RCC1: variants seen among roughly 807,000 people sequenced by gnomAD.
RCC1 encodes the protein regulator of chromosome condensation.
RCC1 carries 11 observed loss-of-function variants against 44.4 expected under a neutral mutation model. The observed-to-expected ratio is 0.25, with a 90% CI of 0.16 to 0.41. RCC1 has a LOEUF of 0.41. Ranked by LOEUF, RCC1 falls within the 10% of genes least tolerant of loss-of-function variation. The pLI is 1.00. For missense variants in RCC1, 386 were observed against 547.1 expected, an observed-to-expected ratio of 0.71 and a Z score of 2.94; for synonymous variants, 213 against 216.5, an observed-to-expected ratio of 0.98 and a Z score of 0.14.
intron 3 of RCC1, among the ~76,000 whole-genome samples, chr1:28,514,956 A>G (rs955840854): frequency 1.3e-5 from 2 of 152,298 alleles, no homozygotes; most frequent in South Asian, 4.1e-4. Flanking sequence ...TATATGTTAT[A>G]AAACCCACAG....
At chr1:28,517,358 C>CA (rs1662958860) in intron 4 of RCC1, among the ~76,000 whole-genome samples, 1 of 152,088 alleles carries the variant, frequency 6.6e-6, no homozygotes, top group Non-Finnish European at 1.5e-5. Flanking sequence ...AACCCAACCC[C>CA]AACTCACACC....
At chr1:28,526,986 A>T in intron 4 of RCC1, 6 of 855,526 alleles carry the variant, frequency 7.0e-6, no homozygotes, top group Non-Finnish European at 1.2e-5. Flanking sequence ...AGGTCTTTGA[A>T]CTCTCCATTG....
intron 3 of RCC1, among the ~76,000 whole-genome samples, chr1:28,513,438 G>A (rs1426875197): frequency 2.6e-5 from 4 of 151,932 alleles, no homozygotes; most frequent in East Asian, 1.9e-4. Flanking sequence ...CAGGCAGTCC[G>A]CCTGCCCTGA....
intron 5 of RCC1, chr1:28,530,411 G>A: frequency 2.2e-6 from 2 of 892,218 alleles, no homozygotes; most frequent in Non-Finnish European, 3.4e-6. Context: ...GGAGGTGGCT[G>A]TGGTTTCCTC....
rs555167699 is a variant in RCC1 at position 28,527,837 on chromosome 1, C to T, written c.-9-2021C>T. Among the ~76,000 whole-genome samples the T allele has an allele frequency of 2.0e-5, 3 of 151,262 alleles. No homozygotes were observed. The South Asian group carries it at 6.3e-4, about 32-fold the overall frequency. ...CCAGCGGGACCAACATGGAGAAACCCCATCTCTACTAAAAATACAAAATAA... is the reference window on the plus strand; with the variant it reads ...CCAGCGGGACCAACATGGAGAAACCTCATCTCTACTAAAAATACAAAATAA... On this transcript the variant is annotated intron_variant, in intron 4 of 12. Coordinates refer to ENST00000683442, the MANE Select transcript of RCC1 (RefSeq NM_001381865.2).
In RCC1 at chr1:28,535,972, A is replaced by G; in HGVS notation, c.763A>G (p.Ile255Val). Residue 255 changes from isoleucine to valine, a missense_variant, in exon 10 of 13, where the codon ATC (isoleucine) becomes GTC (valine). Coordinates refer to ENST00000683442, the MANE Select transcript of RCC1 (RefSeq NM_001381865.2). ...TTGTGGTGCCTATTTCACCTTTGCC[A>G]TCTCCCATGAGGGCCACGTGTACGG... ...AFCGAYFTFAISHEGHVYGFG... is the reference protein window; with the variant it reads ...AFCGAYFTFAVSHEGHVYGFG... 6.2e-7 allele frequency: 1 copy of G among 1,614,020 alleles called. No homozygotes were observed. Among genetic ancestry groups the G allele is most frequent in the Non-Finnish European group, 8.5e-7 (1 of 1,179,984 alleles).
At chr1:28,516,687 C>A in intron 3 of RCC1, 38 bp from the exon 4 acceptor site, 1 of 322,310 alleles carries the variant, frequency 3.1e-6, no homozygotes, top group Non-Finnish European at 6.1e-6. Flanking sequence ...ACAAAATAGG[C>A]AATAATAATA....
At chr1:28,524,547 A>AC (rs1328430735) in intron 4 of RCC1, among the ~76,000 whole-genome samples, 1 of 151,488 alleles carries the variant, frequency 6.6e-6, no homozygotes, top group Non-Finnish European at 1.5e-5. Flanking sequence ...ACAGAGTGAG[A>AC]CCCCCTCTCT....
chr1:28,537,140 T>C (rs1355850356), intron 12 of RCC1, among the ~76,000 whole-genome samples: 1 of 152,098 alleles, frequency 6.6e-6, no homozygotes, highest in Non-Finnish European at 1.5e-5. Flanking sequence ...AAGAGTGAGA[T>C]ATCACTGAGG....
chr1:28,509,240 T>A lies in RCC1; in HGVS notation c.-153+335T>A, dbSNP rs955719135. The A allele has an allele frequency of 5.7e-5, 14 of 245,308 alleles. No individual in the cohort carries two copies. The East Asian group carries it at 1.5e-3, about 26-fold the overall frequency. The allele number at this position is 245,308 out of a possible 1,614,324, so 15.2% of individuals were successfully genotyped here. On this transcript the variant is annotated intron_variant, in intron 3 of 12. Transcript: ENST00000683442. Reference sequence around the variant, plus strand: ...ACTTTAAGAACCACAGAAGTGACTCTGCTTGGCCAGAAGGCACACTGTGTT... The same window carrying A: ...ACTTTAAGAACCACAGAAGTGACTCAGCTTGGCCAGAAGGCACACTGTGTT...
At chr1:28,515,053 T>G (rs1167483227) in intron 3 of RCC1, among the ~76,000 whole-genome samples, 1 of 152,098 alleles carries the variant, frequency 6.6e-6, no homozygotes, top group African/African-American at 2.4e-5. Flanking sequence ...CAAGGCAGGC[T>G]GACTGCTGAG....
intron 9 of RCC1, 25 bp downstream of exon 9, chr1:28,535,405 A>C (rs747597582): frequency 1.2e-6 from 2 of 1,612,772 alleles, no homozygotes. Flanking sequence ...TACCTCCAGC[A>C]GGGCAAATTG....
chr1:28,508,058 T>C (rs894337124), intron 1 of RCC1, 70 bp from the exon 2 acceptor site: 2 of 407,112 alleles, frequency 4.9e-6, no homozygotes, highest in Admixed American at 5.3e-5. Flanking sequence ...CCCCAGGCGA[T>C]AGCATGAGGC....
In RCC1 at chr1:28,506,087, AAGTGTGATCCTTGGTAAGTGTG is replaced by A; in HGVS notation, c.-262+5_-262+26del. 4.4e-6 allele frequency: 2 copies of A among 455,512 alleles called. No homozygotes were observed. The highest frequency in any genetic ancestry group is 3.1e-5 in the South Asian group (2 of 64,548). 28.2% of individuals were successfully genotyped at this position (455,512 alleles called of 1,614,324 possible). On this transcript the variant is annotated splice_donor_5th_base_variant and intron_variant, in intron 1 of 12. Coordinates refer to ENST00000683442, the MANE Select transcript of RCC1 (RefSeq NM_001381865.2). Reference sequence around the variant, plus strand: ...GCAGTGGTCGCTTCTTCTCCTTGGTAAGTGTGATCCTTGGTAAGTGTGATCAGATGCTTGCCACCGGAGTTGT... The same window carrying A: ...GCAGTGGTCGCTTCTTCTCCTTGGTAATCAGATGCTTGCCACCGGAGTTGT...
chr1:28,529,596 A>G (rs1467396867), intron 4 of RCC1, among the ~76,000 whole-genome samples: 1 of 152,148 alleles, frequency 6.6e-6, no homozygotes, highest in African/African-American at 2.4e-5. Flanking sequence ...TATCATGAAT[A>G]TACCACATAT....
intron 4 of RCC1, chr1:28,518,792 T>C (rs576529181): frequency 6.6e-6 from 1 of 151,856 alleles, no homozygotes; most frequent in Non-Finnish European, 1.5e-5. Flanking sequence ...CTGTGGACCT[T>C]TGGGAGCCGT....
At chr1:28,516,700 A>C (rs746129353) in intron 3 of RCC1, 25 bp from the exon 4 acceptor site, 15 of 339,854 alleles carry the variant, frequency 4.4e-5, no homozygotes, top group Non-Finnish European at 7.6e-5. Context: ...TAATAATAAT[A>C]ATCACTTATT....
In RCC1 at chr1:28,506,531, C is replaced by T. The variant is rs1661948932; in HGVS notation, c.-262+447C>T. 2 of 245,550 alleles carry T rather than the reference C, an allele frequency of 8.1e-6. 1 individual carries two copies. Among genetic ancestry groups the T allele is most frequent in the South Asian group, 7.7e-5 (2 of 26,132 alleles). 15.2% of individuals were successfully genotyped at this position (245,550 alleles called of 1,614,324 possible). A position where few individuals can be genotyped will look rare whatever the true frequency, so the allele number is the denominator to read the frequency against. ...TATATATGGGTGTCTTAGGCGGCAT[C>T]GGTCCCAACTCTAAAGTACGCGTTA... On this transcript the variant is annotated intron_variant, in intron 1 of 12. Coordinates refer to ENST00000683442, the MANE Select transcript of RCC1 (RefSeq NM_001381865.2).
At chr1:28,530,162 A>C (rs1275728979) in intron 5 of RCC1, among the ~76,000 whole-genome samples, 27 of 151,468 alleles carry the variant, frequency 1.8e-4, no homozygotes, top group Admixed American at 4.0e-4. Flanking sequence ...TGGCACAAAA[A>C]AAAAAAAAAA....
Sources: allele counts gnomAD v4.1 joint callset (sites outside exome capture counted in the v4.1 genomes callset), GRCh38; gene constraint gnomAD v4.1.1; transcripts MANE v1.5; gene names NCBI Gene and HGNC (gene_info 2026-07-23, HGNC 2026-07-21).